The following XCR1 variants were observed in gnomAD, a reference collection of about 807,000 sequenced individuals.
The protein encoded by XCR1 is X-C motif chemokine receptor 1.
For synonymous variants in XCR1, 187 were observed against 188.5 expected (o/e 0.99, Z 0.06); for missense variants, 356 against 424.2 (o/e 0.84, Z 1.41).
At position 46,021,699 on chromosome 3, in the gene XCR1, C is replaced by G; in HGVS notation, c.249G>C (p.Leu83Phe). The G allele has an allele frequency of 6.2e-7, 1 of 1,614,080 alleles. No homozygotes were observed. Among genetic ancestry groups the G allele is most frequent in the Non-Finnish European group, 8.5e-7 (1 of 1,180,010 alleles). Residue 83 changes from leucine to phenylalanine, a missense_variant, in exon 2 of 2, where the codon TTG (leucine) becomes TTC (phenylalanine). Transcript: ENST00000309285. This position sits in a 1 kb window ranked among gnomAD's most constrained non-coding sequence, Gnocchi z 4.7. ...GGTATGGGGAGATCCACACAGGCAA[C>G]AAGCAGGCGAACACCAGGTCTGAGA... ...LCLSDLVFAC[L>F]LPVWISPYHW...
At chr3:46,034,247 C>T (rs1444381624) in intron 5 of XCR1, among the ~76,000 whole-genome samples, 1 of 152,198 alleles carries the variant, frequency 6.6e-6, no homozygotes, top group African/African-American at 2.4e-5. Context: ...GCTGGGATTA[C>T]AGGTGTGAGC....
intron 3 of XCR1, among the ~76,000 whole-genome samples, chr3:46,071,196 C>T (rs1415051877): frequency 6.6e-6 from 1 of 152,044 alleles, no homozygotes; most frequent in Non-Finnish European, 1.5e-5. Flanking sequence ...TGGAAATATA[C>T]AGCCTACTGA....
chr3:46,055,311 A>G (rs1697833020), intron 4 of XCR1, among the ~76,000 whole-genome samples: 1 of 152,244 alleles, frequency 6.6e-6, no homozygotes. Flanking sequence ...AGTCATGTAC[A>G]TGAACAAAAC....
intron 3 of XCR1, among the ~76,000 whole-genome samples, chr3:46,073,365 C>T (rs1305319992): frequency 2.0e-5 from 3 of 152,092 alleles, no homozygotes; most frequent in Admixed American, 6.6e-5. Context: ...GAGGCTGAGG[C>T]GGGCAGATCA....
At chr3:46,085,748 G>T (rs1698463738) in intron 1 of XCR1, among the ~76,000 whole-genome samples, 1 of 152,144 alleles carries the variant, frequency 6.6e-6, no homozygotes. Context: ...CCTCCCTCTT[G>T]AGCTACAGAT....
At chr3:46,027,815 C>T (rs1295940055), upstream of XCR1, 2 of 152,228 alleles carry the variant, frequency 1.3e-5, no homozygotes, top group African/African-American at 4.8e-5. Flanking sequence ...TGCTTCCTCC[C>T]GATTGGTCCT....
In XCR1 at chr3:46,023,414, ATCTTTCTG is replaced by A. The variant is rs1708209546; in HGVS notation, c.-31-1444_-31-1437del. On this transcript the variant is annotated intron_variant, in intron 1 of 1. Transcript: ENST00000309285. ...TCTTGTCACAAAAAGGCTGCGGCAT[ATCTTTCTG>A]AAGCCATGAAGCTGACACAATCTGA... 2.4e-5 allele frequency: 35 copies of A among 1,467,550 alleles called. 1 individual carries two copies. The East Asian group carries it at 3.0e-4, about 12-fold the overall frequency. The allele number at this position is 1,467,550 out of a possible 1,614,324, so 90.9% of individuals were successfully genotyped here. A position where few individuals can be genotyped will look rare whatever the true frequency, so the allele number is the denominator to read the frequency against.
chr3:46,072,871 T>C (rs943354878), intron 3 of XCR1, among the ~76,000 whole-genome samples: 1 of 152,206 alleles, frequency 6.6e-6, no homozygotes, highest in Non-Finnish European at 1.5e-5. Context: ...GTTCAAATTA[T>C]ACTACAAGGC....
rs554921658 is a variant in XCR1, at chr3:46,017,101, C to T, written c.*3845G>A. 1 of 152,276 alleles carries T rather than the reference C, an allele frequency of 6.6e-6. No individual in the cohort carries two copies. Among genetic ancestry groups the T allele is most frequent in the Non-Finnish European group, 1.5e-5 (1 of 68,024 alleles). 9.4% of individuals were successfully genotyped at this position (152,276 alleles called of 1,614,324 possible). A position where few individuals can be genotyped will look rare whatever the true frequency, so the allele number is the denominator to read the frequency against. ...ATCTGGGACAGAATGATCAACAAAG[C>T]AAGTAGTTTTACATACATGACCTTA... On this transcript the variant is annotated 3_prime_UTR_variant, in exon 2 of 2. Transcript: ENST00000309285.
At chr3:46,036,508 G>A (rs1281735474) in intron 5 of XCR1, among the ~76,000 whole-genome samples, 2 of 152,154 alleles carry the variant, frequency 1.3e-5, no homozygotes, top group African/African-American at 4.8e-5. Context: ...CATAAATTAA[G>A]TAAGCCCAAA....
At chr3:46,076,270 C>T (rs1698258657) in intron 2 of XCR1, among the ~76,000 whole-genome samples, 1 of 152,130 alleles carries the variant, frequency 6.6e-6, no homozygotes, top group Non-Finnish European at 1.5e-5. Flanking sequence ...ACATACCACC[C>T]ACACTCAGCA....
chr3:46,066,962 A>G (rs762033491), exon 4 of XCR1, among the ~76,000 whole-genome samples: 1 of 150,780 alleles, frequency 6.6e-6, no homozygotes, highest in Non-Finnish European at 1.5e-5. Context: ...CAGTAGTGCA[A>G]TGAGGAAGCC....
At chr3:46,072,449 G>T (rs1394338341) in intron 3 of XCR1, among the ~76,000 whole-genome samples, 2 of 152,186 alleles carry the variant, frequency 1.3e-5, no homozygotes, top group African/African-American at 4.8e-5. Flanking sequence ...GAGTCTGGGA[G>T]GCAGACATCG....
intron 1 of XCR1, among the ~76,000 whole-genome samples, chr3:46,078,452 A>T (rs559439512): frequency 6.6e-6 from 1 of 152,100 alleles, no homozygotes; most frequent in African/African-American, 2.4e-5. Context: ...TGCCTGAGCT[A>T]TGTTTTCCGA....
intron 3 of XCR1, among the ~76,000 whole-genome samples, chr3:46,068,136 G>A (rs899390311): frequency 1.1e-4 from 16 of 152,276 alleles, no homozygotes; most frequent in Admixed American, 2.6e-4. Flanking sequence ...TAGTTCTAGG[G>A]CTGATGCAGC....
chr3:46,081,104 G>A (rs983369967), intron 1 of XCR1, among the ~76,000 whole-genome samples: 2 of 152,142 alleles, frequency 1.3e-5, no homozygotes, highest in African/African-American at 2.4e-5. Context: ...ATTCCTTCAT[G>A]GGGAGTTTCA....
intron 5 of XCR1, among the ~76,000 whole-genome samples, chr3:46,041,941 C>G (rs1317156901): frequency 1.3e-5 from 2 of 152,194 alleles, no homozygotes; most frequent in African/African-American, 4.8e-5. Flanking sequence ...TGAGACTGAG[C>G]TCCCATTTCC....
intron 5 of XCR1, among the ~76,000 whole-genome samples, chr3:46,048,050 C>T (rs896967473): frequency 6.6e-6 from 1 of 152,186 alleles, no homozygotes; most frequent in Non-Finnish European, 1.5e-5. Flanking sequence ...ACCATAGTGA[C>T]TCAACCATGT....
At chr3:46,082,760 G>C (rs376339250) in intron 1 of XCR1, among the ~76,000 whole-genome samples, 8 of 152,186 alleles carry the variant, frequency 5.3e-5, no homozygotes, top group East Asian at 1.9e-4. Context: ...AAAGTGCTGG[G>C]ATTACAGGCA....
Sources: gnomAD v4.1 joint callset for allele counts (sites outside exome capture counted in the v4.1 genomes callset) on GRCh38, gnomAD v4.1.1 for gene constraint, Gnocchi (gnomAD v3.1) non-coding constraint, MANE v1.5 for transcripts, NCBI Gene and HGNC (gene_info 2026-07-23, HGNC 2026-07-21) for gene names.